Variants in MARCHF11 observed in about 807,000 individuals in gnomAD.
MARCHF11 encodes membrane associated ring-CH-type finger 11.
Under a neutral mutation model 37.3 loss-of-function variants are expected in MARCHF11, and 29 were observed. The observed-to-expected ratio is 0.78, with a 90% confidence interval of 0.58 to 1.06. The LOEUF is 1.06. Among genes scored for constraint, MARCHF11 ranks in the 50% least tolerant of loss-of-function variants. The probability of loss-of-function intolerance (pLI) is 0.00; values close to 1 mark genes in which losing one functional copy is unlikely to be tolerated. For missense variants in MARCHF11, 482 were observed against 533.4 expected (o/e 0.90, Z 0.95); for synonymous variants, 233 against 228.0 (o/e 1.02, Z -0.20).
intron 2 of MARCHF11, among the ~76,000 whole-genome samples, chr5:16,109,451 G>C (rs1737100379): frequency 6.6e-6 from 1 of 152,210 alleles, no homozygotes; most frequent in Non-Finnish European, 1.5e-5. Flanking sequence ...AGAACTTCTG[G>C]GTGGGTGAAC....
chr5:16,116,839 T>C (rs1030039892), intron 2 of MARCHF11, among the ~76,000 whole-genome samples: 1 of 152,220 alleles, frequency 6.6e-6, no homozygotes, highest in Non-Finnish European at 1.5e-5. Context: ...TTGCTTTCTC[T>C]GAAACAGTCC....
intron 2 of MARCHF11, among the ~76,000 whole-genome samples, chr5:16,097,204 T>C (rs541604275): frequency 6.6e-6 from 1 of 152,236 alleles, no homozygotes; most frequent in Non-Finnish European, 1.5e-5. Context: ...GGATTTGAAA[T>C]GCTGGCAGAA....
rs117289200 is a variant in MARCHF11, at chr5:16,091,143, C to T, written c.694-62G>A. 7.6e-6 allele frequency: 6 copies of T among 786,866 alleles called. No homozygotes were observed. In the African/African-American group the frequency reaches 1.2e-4, roughly 16 times the overall value. 48.7% of individuals were successfully genotyped at this position (786,866 alleles called of 1,614,324 possible). A position where few individuals can be genotyped will look rare whatever the true frequency, so the allele number is the denominator to read the frequency against. On this transcript the variant is annotated intron_variant, in intron 2 of 3. Transcript: ENST00000332432. ...TGTATAATTAAAAAAGAAAAAAAAA[C>T]ATTTTCAGTCCTGTGTTTCTTTTCA...
chr5:16,127,853 A>G (rs1737440580), intron 2 of MARCHF11, among the ~76,000 whole-genome samples: 1 of 152,150 alleles, frequency 6.6e-6, no homozygotes, highest in African/African-American at 2.4e-5. Flanking sequence ...CTTCTGGTTG[A>G]ACGGGGTCAA....
chr5:16,132,739 A>G (rs932718393), intron 2 of MARCHF11, among the ~76,000 whole-genome samples: 5 of 152,216 alleles, frequency 3.3e-5, no homozygotes, highest in African/African-American at 1.2e-4. Flanking sequence ...GAAAGTATGA[A>G]GGAAGCTATG....
At chr5:16,082,809 A>G (rs1020174588) in intron 3 of MARCHF11, among the ~76,000 whole-genome samples, 8 of 152,204 alleles carry the variant, frequency 5.3e-5, no homozygotes, top group Non-Finnish European at 1.2e-4. Context: ...TTATGCAGAC[A>G]CATCCACGTT....
At chr5:16,167,770 A>C (rs1263899382) in intron 2 of MARCHF11, among the ~76,000 whole-genome samples, 1 of 152,028 alleles carries the variant, frequency 6.6e-6, no homozygotes, top group Admixed American at 6.6e-5. Flanking sequence ...TACTATTGAT[A>C]ATTTAAGTTC....
In MARCHF11 at chr5:16,179,488, G is replaced by GCGT; in HGVS notation, c.87_88insACG (p.Pro29_Pro30insThr). ...TCTCCCGGCGGCGGCGTCGGCGGCG[G>GCGT]CGGCGGGGGAGGTTGCGGGGGAGGC... On this transcript the variant is annotated inframe_insertion, in exon 1 of 4. Transcript: ENST00000332432. 1 of 1,152,940 alleles carries GCGT rather than the reference G, an allele frequency of 8.7e-7. No individual in the cohort carries two copies. The highest frequency in any genetic ancestry group is 1.6e-5 in the African/African-American group (1 of 61,184). The allele number at this position is 1,152,940 out of a possible 1,614,324, so 71.4% of individuals were successfully genotyped here.
chr5:16,083,852 C>T (rs915587035), intron 3 of MARCHF11, among the ~76,000 whole-genome samples: 7 of 152,094 alleles, frequency 4.6e-5, no homozygotes, highest in African/African-American at 9.7e-5. Context: ...AAGCAAACTA[C>T]AAGGAGGACG....
intron 2 of MARCHF11, among the ~76,000 whole-genome samples, chr5:16,150,870 T>C (rs1438318956): frequency 1.3e-5 from 2 of 152,000 alleles, no homozygotes; most frequent in African/African-American, 4.8e-5. Flanking sequence ...GAGAACATTG[T>C]GGAAAAAAAC....
At chr5:16,146,351 A>T (rs1428644719) in intron 2 of MARCHF11, among the ~76,000 whole-genome samples, 1 of 152,230 alleles carries the variant, frequency 6.6e-6, no homozygotes, top group Non-Finnish European at 1.5e-5. Context: ...AAAAATTAGC[A>T]AAACAAGGTG....
intron 3 of MARCHF11, among the ~76,000 whole-genome samples, chr5:16,077,218 ACTAAAGC>A (rs970170316): frequency 6.6e-6 from 1 of 152,160 alleles, no homozygotes; most frequent in Non-Finnish European, 1.5e-5. Context: ...TAGTATATGG[ACTAAAGC>A]CAGTTCTTAG....
intron 3 of MARCHF11, among the ~76,000 whole-genome samples, chr5:16,075,087 C>A (rs1159030158): frequency 6.6e-6 from 1 of 152,200 alleles, no homozygotes; most frequent in African/African-American, 2.4e-5. Context: ...ATGAAGCACA[C>A]CCTTTTCTGA....
chr5:16,129,466 T>C (rs1347102854), intron 2 of MARCHF11, among the ~76,000 whole-genome samples: 1 of 152,222 alleles, frequency 6.6e-6, no homozygotes, highest in Non-Finnish European at 1.5e-5. Flanking sequence ...AAAATAATCA[T>C]TACAATGGGA....
intron 2 of MARCHF11, among the ~76,000 whole-genome samples, chr5:16,103,804 A>C (rs988043353): frequency 6.6e-6 from 1 of 152,162 alleles, no homozygotes; most frequent in Admixed American, 6.5e-5. Context: ...TGAAACCACC[A>C]GGCCATGAGA....
intron 3 of MARCHF11, among the ~76,000 whole-genome samples, chr5:16,081,425 T>C (rs1736605080): frequency 6.6e-6 from 1 of 152,000 alleles, no homozygotes; most frequent in Non-Finnish European, 1.5e-5. Flanking sequence ...TTGCTACAAT[T>C]TCCACATGTC....
chr5:16,172,687 G>C (rs941607219), intron 2 of MARCHF11, among the ~76,000 whole-genome samples: 3 of 152,196 alleles, frequency 2.0e-5, no homozygotes, highest in African/African-American at 7.2e-5. Context: ...TAATTTTTCA[G>C]CTCCTCCTAG....
At chr5:16,069,226 T>A (rs193103536) in intron 3 of MARCHF11, among the ~76,000 whole-genome samples, 76 of 152,020 alleles carry the variant, frequency 5.0e-4, no homozygotes, top group African/African-American at 1.7e-3. Context: ...AATGAAAAAA[T>A]TAAAGTTTCA....
chr5:16,167,146 C>T (rs1738184862), intron 2 of MARCHF11, among the ~76,000 whole-genome samples: 1 of 121,742 alleles, frequency 8.2e-6, no homozygotes, highest in South Asian at 3.3e-4. Context: ...TGGGAACTGT[C>T]TGTATACACA....
Sources: gnomAD v4.1 joint callset for allele counts (sites outside exome capture counted in the v4.1 genomes callset) on GRCh38, gnomAD v4.1.1 for gene constraint, MANE v1.5 for transcripts, NCBI Gene and HGNC (gene_info 2026-07-23, HGNC 2026-07-21) for gene names.